SGCE: variants seen among roughly 807,000 people sequenced by gnomAD.
SGCE encodes the protein sarcoglycan epsilon, also known as epsilon-sarcoglycan.
Under a neutral mutation model 57.8 loss-of-function variants are expected in SGCE, and 26 were observed. The ratio of observed to expected loss-of-function variants is 0.45; its 90% confidence interval spans 0.33 to 0.62. SGCE has a LOEUF of 0.62. SGCE is among the 20% of genes least tolerant of loss of function. The pLI is 0.02. For synonymous variants in SGCE, 183 were observed against 189.5 expected (o/e 0.97, Z 0.28); for missense variants, 468 against 548.6 (o/e 0.85, Z 1.47).
intron 10 of SGCE, 76 bp downstream of exon 10, chr7:94,588,613 A>AT (rs1431087276): frequency 1.9e-6 from 3 of 1,555,036 alleles, no homozygotes; most frequent in Non-Finnish European, 2.6e-6. Context: ...AGCTTCATAA[A>AT]TTATATAGTG....
intron 5 of SGCE, chr7:94,617,306 CT>C (rs1288237818): frequency 6.6e-6 from 1 of 152,138 alleles, no homozygotes; most frequent in Non-Finnish European, 1.5e-5. Context: ...CTAAAAGTAC[CT>C]CGACGGGTGG....
chr7:94,635,682 T>A (rs1021236557), intron 1 of SGCE, among the ~76,000 whole-genome samples: 3 of 152,232 alleles, frequency 2.0e-5, no homozygotes, highest in African/African-American at 7.2e-5. Context: ...ACAGTCAAAT[T>A]GAAATTTAAT....
intron 3 of SGCE, chr7:94,625,497 C>T (rs1462596810): frequency 1.3e-5 from 2 of 152,008 alleles, no homozygotes; most frequent in Non-Finnish European, 2.9e-5. Flanking sequence ...AGCCTAAGCC[C>T]TTACCTCTCC....
intron 3 of SGCE, chr7:94,625,874 G>A (rs1355121620): frequency 6.6e-6 from 1 of 152,038 alleles, no homozygotes; most frequent in Non-Finnish European, 1.5e-5. Context: ...CCTGCCTCCA[G>A]GAGGGCATTT....
intron 3 of SGCE, chr7:94,623,896 A>C: frequency 2.8e-6 from 1 of 359,776 alleles, no homozygotes; most frequent in Non-Finnish European, 4.9e-6. Flanking sequence ...TGGAAATCAT[A>C]TCTCACTTAC....
At chr7:94,615,998 G>A (rs189053953) in intron 5 of SGCE, among the ~76,000 whole-genome samples, 1 of 152,176 alleles carries the variant, frequency 6.6e-6, no homozygotes, top group Non-Finnish European at 1.5e-5. Flanking sequence ...TTTTCAGAGG[G>A]CTCAGCCTTC....
chr7:94,639,389 C>T (rs992945947), intron 1 of SGCE: 2 of 1,535,588 alleles, frequency 1.3e-6, no homozygotes, highest in East Asian at 2.4e-5. Flanking sequence ...AAATTGTTGG[C>T]CTGTCTGGTC....
intron 10 of SGCE, among the ~76,000 whole-genome samples, chr7:94,586,079 A>AG (rs1182353965): frequency 6.7e-6 from 1 of 150,356 alleles, no homozygotes; most frequent in Non-Finnish European, 1.5e-5. Flanking sequence ...AAAAAAAAAA[A>AG]AAAAAAAACA....
chr7:94,630,904 T>G lies in SGCE; in HGVS notation c.110-1063A>C, dbSNP rs186270174. On this transcript the variant is annotated intron_variant, in intron 1 of 10. Transcript: ENST00000648936. ...GGATAGCAAGATCACTGAACTACAT[T>G]TTTCAGCACAAAAATAAAAACTCCC... is the stretch of plus-strand genomic sequence containing the variant. 2.0e-5 allele frequency among the ~76,000 whole-genome samples: 3 copies of G among 152,054 alleles called. No individual in the cohort carries two copies. In the East Asian group the frequency reaches 5.8e-4, roughly 29 times the overall value.
chr7:94,654,841 G>T (rs1028508195), intron 1 of SGCE, among the ~76,000 whole-genome samples: 3 of 152,200 alleles, frequency 2.0e-5, no homozygotes, highest in African/African-American at 7.2e-5. Context: ...CTGTGTTTCA[G>T]AAACCTAACT....
At chr7:94,611,016 A>G (rs1800937128) in intron 5 of SGCE, among the ~76,000 whole-genome samples, 1 of 152,220 alleles carries the variant, frequency 6.6e-6, no homozygotes, top group South Asian at 2.1e-4. Flanking sequence ...TGGTGAAGAT[A>G]TGGAAAAGTT....
At chr7:94,601,442 T>TAAAAAAA (rs1319969161) in intron 6 of SGCE, among the ~76,000 whole-genome samples, 1 of 34,430 alleles carries the variant, frequency 2.9e-5, no homozygotes, top group Non-Finnish European at 4.3e-5. Flanking sequence ...TATCCCAGTA[T>TAAAAAAA]CAAAAAAAAA....
At chr7:94,651,238 A>C (rs760992526) in intron 1 of SGCE, among the ~76,000 whole-genome samples, 1 of 152,204 alleles carries the variant, frequency 6.6e-6, no homozygotes, top group African/African-American at 2.4e-5. Flanking sequence ...TCAGCACAGC[A>C]TTGCAGCCCA....
At chr7:94,645,432 A>G (rs535307817) in intron 1 of SGCE, among the ~76,000 whole-genome samples, 9 of 152,242 alleles carry the variant, frequency 5.9e-5, no homozygotes, top group Admixed American at 1.3e-4. Flanking sequence ...ACCTATGGGG[A>G]AAAAAATGGC....
At chr7:94,614,647 T>G (rs2116846579) in intron 5 of SGCE, among the ~76,000 whole-genome samples, 1 of 152,284 alleles carries the variant, frequency 6.6e-6, no homozygotes, top group Non-Finnish European at 1.5e-5. Context: ...CAGTCAGCCT[T>G]CAGCTCCTCT....
chr7:94,588,106 T>G, intron 10 of SGCE: 2 of 1,180,900 alleles, frequency 1.7e-6, no homozygotes, highest in South Asian at 3.3e-5. Context: ...AATGAAATAA[T>G]TGGCTGTGGA....
At chr7:94,634,688 G>A (rs1014996084) in intron 1 of SGCE, among the ~76,000 whole-genome samples, 2 of 152,142 alleles carry the variant, frequency 1.3e-5, no homozygotes, top group African/African-American at 2.4e-5. Flanking sequence ...GCCTGCATTC[G>A]CAGCATCTAT....
chr7:94,636,477 C>T (rs1055539557), intron 1 of SGCE, among the ~76,000 whole-genome samples: 7 of 151,966 alleles, frequency 4.6e-5, no homozygotes, highest in Admixed American at 6.6e-5. Context: ...CAAAATTGAA[C>T]GTAGAGGGAC....
At chr7:94,588,264 A>G in intron 10 of SGCE, 6 of 1,043,852 alleles carry the variant, frequency 5.7e-6, no homozygotes, top group Non-Finnish European at 6.9e-6. Flanking sequence ...GCCATTTCTC[A>G]TTTATCCCCC....
Sources: allele counts gnomAD v4.1 joint callset (sites outside exome capture counted in the v4.1 genomes callset), GRCh38; gene constraint gnomAD v4.1.1; transcripts MANE v1.5; gene names NCBI Gene and HGNC (gene_info 2026-07-23, HGNC 2026-07-21).